Variants in CORO7 observed in about 807,000 individuals in gnomAD.
CORO7 encodes coronin-7.
CORO7 carries 107 observed loss-of-function variants against 126.6 expected under a neutral mutation model. The observed-to-expected ratio is 0.85, with a 90% CI of 0.72 to 0.99. The LOEUF (loss-of-function observed/expected upper bound fraction) is 0.99, where lower values mean the gene tolerates loss of function less well. Ranked by LOEUF, CORO7 falls within the 50% of genes least tolerant of loss-of-function variation. The pLI is 0.00. For missense variants in CORO7, 1,314 were observed against 1,255.8 expected (o/e 1.05, Z -0.70); for synonymous variants, 603 against 536.8 (o/e 1.12, Z -1.70).
At position 4,415,661 on chromosome 16, in the gene CORO7, T is replaced by A. The variant is rs928365763; in HGVS notation, c.60+798A>T. 9.3e-6 allele frequency: 9 copies of A among 969,314 alleles called. No individual in the cohort carries two copies. The African/African-American group carries it at 1.2e-4, about 13-fold the overall frequency. 60.0% of individuals were successfully genotyped at this position (969,314 alleles called of 1,614,324 possible). On this transcript the variant is annotated intron_variant, in intron 1 of 27. Transcript: ENST00000251166. ...GACTTGCTCTGGGACCCTGATGGGG[T>A]CACTTGAGGTCAACTCCTAGGCCCA...
At chr16:4,361,803 T>C (rs986476015) in intron 16 of CORO7, 182 bp downstream of exon 16, 26 of 1,002,492 alleles carry the variant, frequency 2.6e-5, no homozygotes, top group Admixed American at 1.6e-4. Flanking sequence ...TTCTCCCTCA[T>C]CTGTAAAATG....
intron 6 of CORO7, among the ~76,000 whole-genome samples, chr16:4,398,401 C>A (rs1227335918): frequency 6.6e-6 from 1 of 152,184 alleles, no homozygotes; most frequent in Non-Finnish European, 1.5e-5. Flanking sequence ...CGGTGGCTCA[C>A]GCCTGTAATC....
chr16:4,388,481 C>T (rs985253041), intron 8 of CORO7, 64 bp downstream of exon 8: 245 of 1,556,902 alleles, frequency 1.6e-4, no homozygotes, highest in East Asian at 6.2e-4. Context: ...GTTTCGTCCC[C>T]GCCCAAAGGG....
At chr16:4,406,618 TTTTTTTG>T (rs769185631) in intron 5 of CORO7, among the ~76,000 whole-genome samples, 156 of 150,698 alleles carry the variant, frequency 1.0e-3, no homozygotes, top group Non-Finnish European at 1.7e-3. Context: ...TTTTTTTTGG[TTTTTTTG>T]TTTTTTGTTT....
At chr16:4,382,064 C>T in intron 9 of CORO7, 1 of 1,588,640 alleles carries the variant, frequency 6.3e-7, no homozygotes, top group Non-Finnish European at 8.6e-7. Flanking sequence ...CCCTCCACTG[C>T]CCCACCGACT....
intron 7 of CORO7, among the ~76,000 whole-genome samples, chr16:4,394,135 G>A (rs896884246): frequency 3.3e-5 from 5 of 151,722 alleles, no homozygotes; most frequent in African/African-American, 9.7e-5. Flanking sequence ...TCTACTCATC[G>A]CACTTCCTGC....
chr16:4,412,226 G>T, intron 3 of CORO7, 130 bp downstream of exon 3: 1 of 958,736 alleles, frequency 1.0e-6, no homozygotes, highest in Non-Finnish European at 1.6e-6. Flanking sequence ...CTCTCAGAGA[G>T]TGCACAGACA....
chr16:4,372,202 C>T (rs1290314531), intron 9 of CORO7, among the ~76,000 whole-genome samples: 1 of 152,072 alleles, frequency 6.6e-6, no homozygotes, highest in African/African-American at 2.4e-5. Flanking sequence ...GCCCCGCGGC[C>T]GGCCAGGGTG....
Position 4,405,503 on chromosome 16 carries a change from G to T in CORO7, c.552C>A (p.Gly184=). 6.2e-7 allele frequency: 1 copy of T among 1,612,480 alleles called. No homozygotes were observed. Among genetic ancestry groups the T allele is most frequent in the South Asian group, 1.1e-5 (1 of 91,064 alleles). ...CCTGCCTGCTCACCTTGCACGCCGT[G>T]CCCACCAGGGCTCCATCTCGGCTCC... ...AVWSRDGALV[G]TACKDKQLRI... Residue 184 remains glycine, a synonymous_variant, in exon 6 of 28, where the codon GGC becomes GGA. Transcript: ENST00000251166.
At position 4,360,551 on chromosome 16, in the gene CORO7, G is replaced by C. The variant is rs981811788; in HGVS notation, c.1918-3C>G. On this transcript the variant is annotated splice_polypyrimidine_tract_variant and splice_region_variant and intron_variant, in intron 19 of 27. Coordinates refer to ENST00000251166, the MANE Select transcript of CORO7 (RefSeq NM_024535.5). ...GGACTCCAGGCCAGGCTGAAGATCT[G>C]GGGGCAGGAAGGGATATGAGAGACA... is the stretch of plus-strand genomic sequence containing the variant. The C allele has an allele frequency of 4.4e-6, 7 of 1,595,680 alleles. No individual in the cohort carries two copies. The highest frequency in any genetic ancestry group is 1.1e-5 in the South Asian group (1 of 88,642).
At chr16:4,379,503 C>T (rs2054874759) in intron 9 of CORO7, among the ~76,000 whole-genome samples, 1 of 152,166 alleles carries the variant, frequency 6.6e-6, no homozygotes, top group African/African-American at 2.4e-5. Flanking sequence ...GGCTGCTGCA[C>T]ACCTGGGCTC....
chr16:4,366,477 C>G (rs1216303961), intron 9 of CORO7, among the ~76,000 whole-genome samples: 1 of 151,508 alleles, frequency 6.6e-6, no homozygotes, highest in Non-Finnish European at 1.5e-5. Flanking sequence ...CCTGGAAGGA[C>G]TCTGACAGAT....
rs1195430121 is a variant in CORO7 at position 4,364,924 on chromosome 16, T to C, written c.899-4A>G. Reference sequence around the variant, plus strand: ...CTCTCCAGGACACACTGGGTCACTGTTGAGGACACCATAGGGGAACAGGCA... The same window carrying C: ...CTCTCCAGGACACACTGGGTCACTGCTGAGGACACCATAGGGGAACAGGCA... On this transcript the variant is annotated splice_region_variant and splice_polypyrimidine_tract_variant and intron_variant, in intron 11 of 27. Transcript: ENST00000251166. 4.3e-6 allele frequency: 7 copies of C among 1,610,220 alleles called. No individual in the cohort carries two copies. Among genetic ancestry groups the C allele is most frequent in the Non-Finnish European group, 5.1e-6 (6 of 1,178,816 alleles).
intron 25 of CORO7, 92 bp from the exon 26 acceptor site, chr16:4,357,351 CTTTCTTTTTTTT>C: frequency 3.1e-6 from 3 of 958,306 alleles, no homozygotes; most frequent in South Asian, 3.9e-5. Flanking sequence ...TCTTTTCTTT[CTTTCTTTTTTTT>C]TTTTTTTTTT....
chr16:4,370,954 A>G (rs9923738), intron 9 of CORO7, among the ~76,000 whole-genome samples: 4,010 of 152,290 alleles, frequency 0.026, 189 homozygotes, highest in African/African-American at 0.092. Flanking sequence ...ACTGACCACA[A>G]ACGCGGAGGG....
At chr16:4,374,266 C>T (rs928203855) in intron 9 of CORO7, among the ~76,000 whole-genome samples, 2 of 152,234 alleles carry the variant, frequency 1.3e-5, no homozygotes, top group African/African-American at 4.8e-5. Flanking sequence ...TTATCGGTTT[C>T]CACATTCCAG....
At chr16:4,415,492 C>T (rs1318196868) in intron 1 of CORO7, among the ~76,000 whole-genome samples, 1 of 152,100 alleles carries the variant, frequency 6.6e-6, no homozygotes, top group Admixed American at 6.6e-5. Flanking sequence ...TTGCTGTCTC[C>T]CTCATGAGGC....
chr16:4,364,249 G>A (rs1327566281), intron 14 of CORO7, 27 bp downstream of exon 14: 2 of 1,515,012 alleles, frequency 1.3e-6, no homozygotes, highest in Admixed American at 2.3e-5. Context: ...GTCGCTGAGG[G>A]AGGATGGGGG....
At position 4,362,076 on chromosome 16, in the gene CORO7, G is replaced by A. The variant is rs1413156446; in HGVS notation, c.1487C>T (p.Thr496Ile). 3.1e-6 allele frequency: 5 copies of A among 1,613,064 alleles called. No individual in the cohort carries two copies. The highest frequency in any genetic ancestry group is 4.2e-6 in the Non-Finnish European group (5 of 1,179,966). ...HITNLKGLNL[T>I]TPGESDGFCA... ...GAAGCCGTCACTCTCACCAGGTGTG[G>A]TGAGGTTGAGCCCCTTGAGGTTGGT... The change falls in exon 16 of 28, where the codon ACC (threonine) becomes ATC (isoleucine). Residue 496 changes from threonine (T) to isoleucine (I), a missense_variant. Coordinates refer to ENST00000251166, the MANE Select transcript of CORO7 (RefSeq NM_024535.5). The surrounding 1 kb of genome is among the most constrained non-coding windows in gnomAD (Gnocchi z 5.3).
Sources: allele counts gnomAD v4.1 joint callset (sites outside exome capture counted in the v4.1 genomes callset), GRCh38; gene constraint gnomAD v4.1.1; non-coding constraint Gnocchi (gnomAD v3.1); transcripts MANE v1.5; gene names NCBI Gene and HGNC (gene_info 2026-07-23, HGNC 2026-07-21).